NOMO1: variants seen among roughly 807,000 people sequenced by gnomAD.
The protein encoded by NOMO1 is NODAL modulator 1.
In NOMO1, 40 loss-of-function variants were observed where a neutral mutation model predicts 133.8. That is an observed-to-expected ratio of 0.30 (90% CI 0.23 to 0.39). The LOEUF is 0.39. NOMO1 is among the 10% of genes least tolerant of loss of function. NOMO1 has a pLI of 1.00. For missense variants in NOMO1, 462 were observed against 1,419.9 expected, an observed-to-expected ratio of 0.33 and a Z score of 10.84; for synonymous variants, 236 against 570.5, an observed-to-expected ratio of 0.41 and a Z score of 8.36.
intron 13 of NOMO1, 30 bp downstream of exon 13, chr16:14,864,756 T>C (rs199807269): frequency 5.6e-6 from 9 of 1,613,578 alleles, no homozygotes; most frequent in Non-Finnish European, 7.6e-6. Context: ...TAAGAACACA[T>C]AGTTTCAAAG....
intron 26 of NOMO1, among the ~76,000 whole-genome samples, chr16:14,883,455 G>A (rs1030269523): frequency 6.0e-5 from 9 of 151,088 alleles, no homozygotes; most frequent in African/African-American, 2.2e-4. Context: ...TCCCACCTCA[G>A]CCTGTAGCTG....
chr16:14,878,423 G>A lies in NOMO1; in HGVS notation c.2644-298G>A, dbSNP rs1461352653. On this transcript the variant is annotated intron_variant, in intron 22 of 30. Transcript: ENST00000287667. ...GCTGAAGGATTGCTTGAGCTTGGGA[G>A]GCGAAGGTTGTAGTGAGCCCAGGTT... Among the ~76,000 whole-genome samples the A allele has an allele frequency of 3.2e-5, 4 of 126,344 alleles. No individual in the cohort carries two copies. The East Asian group carries it at 9.1e-4, about 29-fold the overall frequency. The allele number at this position is 126,344 out of a possible 152,430, so 82.9% of individuals were successfully genotyped here.
intron 29 of NOMO1, 112 bp from the exon 30 acceptor site, chr16:14,894,886 G>T (rs1440967992): frequency 1.2e-5 from 9 of 777,678 alleles, no homozygotes; most frequent in Admixed American, 2.5e-5. Context: ...GGGCCCCTGG[G>T]TGTCCTCAAG....
At chr16:14,838,164 A>G (rs1198167609) in intron 1 of NOMO1, among the ~76,000 whole-genome samples, 10 of 152,080 alleles carry the variant, frequency 6.6e-5, no homozygotes, top group Non-Finnish European at 1.5e-4. Flanking sequence ...TAAACAGAAA[A>G]GCATTGAAAA....
At chr16:14,883,709 T>C (rs983347592) in intron 26 of NOMO1, among the ~76,000 whole-genome samples, 1 of 151,038 alleles carries the variant, frequency 6.6e-6, no homozygotes, top group African/African-American at 2.5e-5. Context: ...ACCAAAATGC[T>C]TTGCATGTTC....
At chr16:14,857,414 T>C (rs1963857623) in intron 10 of NOMO1, 91 bp from the exon 11 acceptor site, 1 of 1,533,572 alleles carries the variant, frequency 6.5e-7, no homozygotes, top group South Asian at 1.2e-5. Context: ...TATGAGAACA[T>C]GGCAGCTTTT....
At position 14,884,372 on chromosome 16, in the gene NOMO1, G is replaced by T; in HGVS notation, c.3112G>T (p.Val1038Phe). The change falls in exon 27 of 31, where the codon GTT (valine) becomes TTT (phenylalanine). Residue 1038 changes from valine to phenylalanine, a missense_variant and splice_region_variant. Val to Phe is a conservative substitution (Grantham distance 50). Transcript: ENST00000287667. ...RALPHHRVIEVGNNDIDDVNI... is the reference protein window; with the variant it reads ...RALPHHRVIEFGNNDIDDVNI... ...TGGTATTCCCTCTTTCTCTCTCTAG[G>T]TTGGGAATAATGACATCGATGATGT... The T allele has an allele frequency of 6.4e-7, 1 of 1,558,574 alleles. No homozygotes were observed. The highest frequency in any genetic ancestry group is 1.4e-5 in the African/African-American group (1 of 73,754).
intron 1 of NOMO1, among the ~76,000 whole-genome samples, chr16:14,834,685 AG>A (rs1358351674): frequency 1.4e-4 from 18 of 124,762 alleles, no homozygotes; most frequent in South Asian, 2.6e-4. Context: ...TTTGTGCTGA[AG>A]GTTTTTTTTT....
At chr16:14,835,114 C>G (rs1963484549) in intron 1 of NOMO1, among the ~76,000 whole-genome samples, 2 of 127,692 alleles carry the variant, frequency 1.6e-5, no homozygotes, top group South Asian at 5.9e-4. Flanking sequence ...CCACACCCCA[C>G]CAGCTCTGCG....
At chr16:14,842,994 C>T (rs1332034688) in intron 3 of NOMO1, among the ~76,000 whole-genome samples, 1 of 143,086 alleles carries the variant, frequency 7.0e-6, no homozygotes, top group Non-Finnish European at 1.5e-5. Flanking sequence ...GATCTCAGTT[C>T]ACTGCAACTT....
intron 29 of NOMO1, among the ~76,000 whole-genome samples, chr16:14,889,623 G>A (rs1964379030): frequency 6.6e-6 from 1 of 151,910 alleles, no homozygotes; most frequent in South Asian, 2.1e-4. Context: ...CAGATCGCAG[G>A]TTGCAGGGCA....
In NOMO1 at chr16:14,873,214, C is replaced by T. The variant is rs1330165533; in HGVS notation, c.2054+885C>T. On this transcript the variant is annotated intron_variant, in intron 18 of 30. Transcript: ENST00000287667. ...GGGGGCATGCAGGACAGGTAGGCTG[C>T]GGGGGGCCAGGCCATGTTAAGGTCC... is the stretch of plus-strand genomic sequence containing the variant. Among the ~76,000 whole-genome samples the T allele has an allele frequency of 3.2e-3, 327 of 103,478 alleles. 2 individuals are homozygous for T. Among genetic ancestry groups the T allele is most frequent in the Non-Finnish European group, 6.3e-3 (257 of 40,550 alleles). 67.9% of individuals were successfully genotyped at this position (103,478 alleles called of 152,430 possible).
At chr16:14,850,027 G>A (rs1467463647) in intron 6 of NOMO1, among the ~76,000 whole-genome samples, 2 of 150,994 alleles carry the variant, frequency 1.3e-5, no homozygotes, top group African/African-American at 4.9e-5. Context: ...GCTTCCCAAG[G>A]ATCTGGAACT....
At chr16:14,867,169 TATATATA>T (rs1291673984) in intron 15 of NOMO1, among the ~76,000 whole-genome samples, 51 of 21,126 alleles carry the variant, frequency 2.4e-3, no homozygotes, top group African/African-American at 6.8e-3. Context: ...TATATATATA[TATATATA>T]TTTTTTTTTT....
chr16:14,880,777 A>G (rs994095343), intron 24 of NOMO1, among the ~76,000 whole-genome samples: 3 of 151,930 alleles, frequency 2.0e-5, no homozygotes, highest in African/African-American at 7.3e-5. Flanking sequence ...TGAAAAGAGT[A>G]TAGTGTAAAA....
At chr16:14,884,850 G>A (rs1964298838) in intron 27 of NOMO1, among the ~76,000 whole-genome samples, 1 of 152,068 alleles carries the variant, frequency 6.6e-6, no homozygotes, top group African/African-American at 2.4e-5. Flanking sequence ...TGGAGTGGAG[G>A]TCGTATTAAA....
At chr16:14,839,177 C>T (rs572364542) in intron 2 of NOMO1, among the ~76,000 whole-genome samples, 1 of 151,880 alleles carries the variant, frequency 6.6e-6, no homozygotes, top group Non-Finnish European at 1.5e-5. Context: ...TCCTCAGCCT[C>T]CCAAATAGCT....
chr16:14,846,318 C>A (rs1372034413), intron 4 of NOMO1, among the ~76,000 whole-genome samples: 1 of 151,186 alleles, frequency 6.6e-6, no homozygotes, highest in Non-Finnish European at 1.5e-5. Flanking sequence ...TGAACCACCA[C>A]ACCCGCCCAG....
At chr16:14,843,352 T>C (rs996905487) in intron 3 of NOMO1, among the ~76,000 whole-genome samples, 18 of 149,152 alleles carry the variant, frequency 1.2e-4, no homozygotes, top group Non-Finnish European at 1.3e-4. Flanking sequence ...TTTTGATACA[T>C]GTGTCTGCAT....
Sources: gnomAD v4.1 joint callset for allele counts (sites outside exome capture counted in the v4.1 genomes callset) on GRCh38, gnomAD v4.1.1 for gene constraint, MANE v1.5 for transcripts, NCBI Gene and HGNC (gene_info 2026-07-23, HGNC 2026-07-21) for gene names.